The following LINC02747 variants were observed in gnomAD, a reference collection of about 807,000 sequenced individuals.
The protein encoded by LINC02747 is CCND1-upstream intergenic DNA repair 2.
intron 1 of LINC02747, among the ~76,000 whole-genome samples, chr11:69,478,452 G>T: frequency 6.6e-6 from 1 of 152,200 alleles, no homozygotes; most frequent in Non-Finnish European, 1.5e-5. Context: ...GCCTGCTCCT[G>T]TCTTTCCTCA....
intron 1 of LINC02747, among the ~76,000 whole-genome samples, chr11:69,478,015 C>T (rs183548605): frequency 2.0e-5 from 3 of 152,294 alleles, no homozygotes; most frequent in Admixed American, 2.0e-4. Context: ...CACCTGTCTG[C>T]TTCGTGCCAG....
At chr11:69,476,212 C>CCCTAA (rs1247537560) in exon 2 of LINC02747, 1 of 152,232 alleles carries the variant, frequency 6.6e-6, no homozygotes, top group Non-Finnish European at 1.5e-5. Flanking sequence ...GATGCCACGG[C>CCCTAA]CCTAACCTGC....
intron 1 of LINC02747, among the ~76,000 whole-genome samples, chr11:69,477,818 T>G (rs1857010371): frequency 6.6e-6 from 1 of 151,998 alleles, no homozygotes; most frequent in African/African-American, 2.4e-5. Flanking sequence ...AGGGGCAGGA[T>G]GTGGGAACAG....
chr11:69,478,943 C>T (rs1266023369), intron 1 of LINC02747, among the ~76,000 whole-genome samples: 1 of 151,262 alleles, frequency 6.6e-6, no homozygotes, highest in Non-Finnish European at 1.5e-5. Context: ...CAAAACAACA[C>T]TCTGATGTGA....
intron 1 of LINC02747, among the ~76,000 whole-genome samples, chr11:69,479,447 G>C (rs1332731782): frequency 1.3e-5 from 2 of 152,048 alleles, no homozygotes; most frequent in African/African-American, 4.8e-5. Flanking sequence ...TTTTCTGATT[G>C]CTTTTGCAAT....
At chr11:69,479,176 A>G (rs1377004585) in intron 1 of LINC02747, among the ~76,000 whole-genome samples, 1 of 148,404 alleles carries the variant, frequency 6.7e-6, no homozygotes, top group Non-Finnish European at 1.5e-5. Flanking sequence ...AATCCCTTGA[A>G]CCCAGGAGGC....
At chr11:69,479,254 C>CA (rs34812492) in intron 1 of LINC02747, among the ~76,000 whole-genome samples, 1,741 of 47,116 alleles carry the variant, frequency 0.037, 52 homozygotes, top group East Asian at 0.051. Context: ...GACTCTGTCT[C>CA]AAAAAAAAAA....
At chr11:69,478,118 C>A (rs1857012968) in intron 1 of LINC02747, among the ~76,000 whole-genome samples, 1 of 152,210 alleles carries the variant, frequency 6.6e-6, no homozygotes, top group African/African-American at 2.4e-5. Flanking sequence ...GCAGGTCATG[C>A]CGCTGCTCCA....
At chr11:69,476,800 T>G (rs1026759536) in exon 2 of LINC02747, 2 of 152,190 alleles carry the variant, frequency 1.3e-5, no homozygotes, top group Non-Finnish European at 2.9e-5. Flanking sequence ...TGAGGCCCAT[T>G]GTTTTCTCAA....
At chr11:69,478,221 G>A (rs1241013835) in intron 1 of LINC02747, among the ~76,000 whole-genome samples, 3 of 152,186 alleles carry the variant, frequency 2.0e-5, no homozygotes, top group African/African-American at 7.2e-5. Context: ...GAGGACGAGG[G>A]TAAGCCGTGT....
upstream of LINC02747, chr11:69,481,557 G>A (rs1017242475): frequency 6.6e-6 from 1 of 152,334 alleles, no homozygotes; most frequent in Non-Finnish European, 1.5e-5. Flanking sequence ...GGAATGCGGA[G>A]GCTGGGGGCA....
intron 1 of LINC02747, among the ~76,000 whole-genome samples, chr11:69,480,847 G>A (rs111311327): frequency 2.0e-5 from 3 of 152,296 alleles, no homozygotes; most frequent in South Asian, 2.1e-4. Flanking sequence ...AGACAACGCC[G>A]TGTGAGGAGG....
At chr11:69,476,894 G>C (rs1257204055) in exon 2 of LINC02747, 1 of 152,264 alleles carries the variant, frequency 6.6e-6, no homozygotes, top group African/African-American at 2.4e-5. Context: ...GCGAGGCCAG[G>C]CTGGAGAGCC....
At chr11:69,480,654 G>A (rs892459964) in intron 1 of LINC02747, among the ~76,000 whole-genome samples, 1 of 152,120 alleles carries the variant, frequency 6.6e-6, no homozygotes, top group African/African-American at 2.4e-5. Context: ...ATCATCATCC[G>A]GACTCAACTC....
At chr11:69,481,474 G>T (rs1290044616) in exon 1 of LINC02747, 1 of 152,318 alleles carries the variant, frequency 6.6e-6, no homozygotes, top group African/African-American at 2.4e-5. Context: ...GACAGTCCAG[G>T]CTGATGCAGC....
chr11:69,478,432 C>T (rs1382443009), intron 1 of LINC02747, among the ~76,000 whole-genome samples: 1 of 152,230 alleles, frequency 6.6e-6, no homozygotes, highest in Non-Finnish European at 1.5e-5. Flanking sequence ...CTGCCTCCTG[C>T]ACCCTGACCG....
intron 1 of LINC02747, among the ~76,000 whole-genome samples, chr11:69,479,254 CAAAAAAAAAAA>C (rs34812492): frequency 6.3e-5 from 3 of 47,540 alleles, no homozygotes; most frequent in Non-Finnish European, 8.2e-5. Context: ...GACTCTGTCT[CAAAAAAAAAAA>C]AAAAAAAAAA....
intron 1 of LINC02747, among the ~76,000 whole-genome samples, chr11:69,480,808 G>A (rs530412759): frequency 5.1e-4 from 77 of 152,276 alleles, no homozygotes; most frequent in African/African-American, 1.6e-3. Context: ...GAAGAGTTTC[G>A]GAGAGGTCAG....
chr11:69,479,421 C>T (rs1430823114), intron 1 of LINC02747, among the ~76,000 whole-genome samples: 1 of 152,104 alleles, frequency 6.6e-6, no homozygotes, highest in Non-Finnish European at 1.5e-5. Flanking sequence ...GCCTGCGGTG[C>T]CCTAACTCTT....
Sources: allele counts gnomAD v4.1 joint callset (sites outside exome capture counted in the v4.1 genomes callset), GRCh38; gene constraint gnomAD v4.1.1; transcripts MANE v1.5; gene names NCBI Gene and HGNC (gene_info 2026-07-23, HGNC 2026-07-21).